The following NUFIP2 variants were observed in gnomAD, a reference collection of about 807,000 sequenced individuals.
NUFIP2 encodes nuclear FMR1 interacting protein 2.
NUFIP2 carries 6 observed loss-of-function variants against 56.9 expected under a neutral mutation model. The ratio of observed to expected loss-of-function variants is 0.11; its 90% CI spans 0.06 to 0.21. NUFIP2 has a LOEUF of 0.21. NUFIP2 is among the 10% of genes least tolerant of loss of function. The probability of loss-of-function intolerance (pLI) is 1.00; values close to 1 mark genes in which losing one functional copy is unlikely to be tolerated. For synonymous variants in NUFIP2, 321 were observed against 298.2 expected, an observed-to-expected ratio of 1.08 and a Z score of -0.79; for missense variants, 828 against 826.8, an observed-to-expected ratio of 1.00 and a Z score of -0.02.
intron 2 of NUFIP2, among the ~76,000 whole-genome samples, chr17:29,282,508 A>G (rs920251573): frequency 1.3e-5 from 2 of 151,440 alleles, no homozygotes; most frequent in African/African-American, 4.9e-5. Context: ...AGACTGTGAC[A>G]CTGCACTCCA....
chr17:29,286,951 C>T lies in NUFIP2; in HGVS notation c.1043G>A (p.Ser348Asn). ...KPPPVFPVDN[S>N]SAKIVPKISY... ...TATTTTAGGAACTATTTTAGCACTG[C>T]TATTGTCCACTGGAAAAACTGGGGG... The change falls in exon 2 of 4, where the codon AGC (serine) becomes AAC (asparagine). Residue 348 changes from serine (S) to asparagine (N), a missense_variant. By Grantham distance (46) the Ser-to-Asn change is conservative (BLOSUM62 1). Around this residue, in one of 3 missense-constraint regions of NUFIP2, gnomAD observed 9 missense variants for 37.8 expected, o/e 0.24. Transcript: ENST00000225388. 1 of 1,614,158 alleles carries T rather than the reference C, an allele frequency of 6.2e-7. No individual in the cohort carries two copies. Among genetic ancestry groups the T allele is most frequent in the Non-Finnish European group, 8.5e-7 (1 of 1,180,038 alleles).
chr17:29,293,750 A>ACCCCCTCCCCC, intron 1 of NUFIP2, 33 bp downstream of exon 1: 1 of 1,310,814 alleles, frequency 7.6e-7, no homozygotes, highest in Non-Finnish European at 1.1e-6. Context: ...TCCACCCCCA[A>ACCCCCTCCCCC]CCCCCTTCCC....
chr17:29,293,736 GTCC>G, intron 1 of NUFIP2, 44 bp downstream of exon 1: 1 of 1,227,392 alleles, frequency 8.1e-7, no homozygotes, highest in Non-Finnish European at 1.1e-6. Flanking sequence ...CATCTCTCCT[GTCC>G]TCCACCCCCA....
chr17:29,285,569 AAG>A (rs1217690716), intron 2 of NUFIP2, among the ~76,000 whole-genome samples: 2 of 152,110 alleles, frequency 1.3e-5, no homozygotes, highest in African/African-American at 2.4e-5. Flanking sequence ...CCAGCCTGGC[AAG>A]AGAGTGAGAC....
chr17:29,279,923 A>C (rs1164645843), intron 2 of NUFIP2, among the ~76,000 whole-genome samples: 1 of 152,054 alleles, frequency 6.6e-6, no homozygotes, highest in Non-Finnish European at 1.5e-5. Context: ...GATTCAAGCG[A>C]TTCTCCCACC....
rs1173148256 is a variant in NUFIP2 at position 29,260,503 on chromosome 17, G to A, written c.*4036C>T. 6.6e-6 allele frequency: 1 copy of A among 152,160 alleles called. No individual in the cohort carries two copies. Among genetic ancestry groups the A allele is most frequent in the Admixed American group, 6.5e-5 (1 of 15,278 alleles). The allele number at this position is 152,160 out of a possible 1,614,324, so 9.4% of individuals were successfully genotyped here. Reference sequence around the variant, plus strand: ...AGGAATGACTCCGTCCTTATTTACAGTGGAATTAAAATTGAGTAAAGTCCA... The same window carrying A: ...AGGAATGACTCCGTCCTTATTTACAATGGAATTAAAATTGAGTAAAGTCCA... On this transcript the variant is annotated 3_prime_UTR_variant, in exon 4 of 4. Transcript: ENST00000225388.
intron 1 of NUFIP2, among the ~76,000 whole-genome samples, chr17:29,288,304 C>G (rs7207477): frequency 6.6e-6 from 1 of 152,168 alleles, no homozygotes; most frequent in Non-Finnish European, 1.5e-5. Context: ...CTCGGCCTCC[C>G]GAAGTGCTAG....
At position 29,267,554 on chromosome 17, in the gene NUFIP2, C is replaced by A. The variant is rs368630343; in HGVS notation, c.2003-24G>T. 8 of 1,482,632 alleles carry A rather than the reference C, an allele frequency of 5.4e-6. No homozygotes were observed. In the African/African-American group the frequency reaches 1.1e-4, roughly 21 times the overall value. The allele number at this position is 1,482,632 out of a possible 1,614,324, so 91.8% of individuals were successfully genotyped here. A position where few individuals can be genotyped will look rare whatever the true frequency, so the allele number is the denominator to read the frequency against. ...TTCTGCAAAGAAAAAAAGAGAATTA[C>A]ATACTAAGTTTTGGTGAGCAAAGTC... On this transcript the variant is annotated intron_variant, in intron 2 of 3. Coordinates refer to ENST00000225388, the MANE Select transcript of NUFIP2 (RefSeq NM_020772.3).
intron 1 of NUFIP2, among the ~76,000 whole-genome samples, chr17:29,291,609 C>A (rs797975): frequency 1.3e-5 from 2 of 151,970 alleles, no homozygotes; most frequent in Non-Finnish European, 2.9e-5. Flanking sequence ...AATGGTTCAG[C>A]GGTTGCTTCC....
chr17:29,272,075 A>AGAGGGGAGGGGAGGG (rs1292329340), intron 2 of NUFIP2, among the ~76,000 whole-genome samples: 3 of 26,476 alleles, frequency 1.1e-4, no homozygotes, highest in African/African-American at 3.6e-4. Flanking sequence ...TGTCGAAAAG[A>AGAGGGGAGGGGAGGG]GAGGGGAGGG....
At chr17:29,293,031 G>A (rs766138106) in intron 1 of NUFIP2, among the ~76,000 whole-genome samples, 21 of 151,516 alleles carry the variant, frequency 1.4e-4, no homozygotes, top group Admixed American at 3.9e-4. Context: ...GTGGGCCGGA[G>A]TCGGTGACAG....
Position 29,286,665 on chromosome 17 carries a change from T to TA in NUFIP2, c.1328dup (p.Thr444AsnfsTer22). On this transcript the variant is annotated frameshift_variant, in exon 2 of 4. Coordinates refer to ENST00000225388, the MANE Select transcript of NUFIP2 (RefSeq NM_020772.3). LOFTEE classifies it high-confidence loss of function. Reference sequence around the variant, plus strand: ...AATCTGTCCCAGAAGAGATGGGTGTTAGAGTATTAGCAGCAGTAGTTAGCA... The same window carrying TA: ...AATCTGTCCCAGAAGAGATGGGTGTTAAGAGTATTAGCAGCAGTAGTTAGCA... The TA allele has an allele frequency of 6.2e-7, 1 of 1,614,106 alleles. No individual in the cohort carries two copies. The highest frequency in any genetic ancestry group is 8.5e-7 in the Non-Finnish European group (1 of 1,180,010).
chr17:29,286,265 C>T lies in NUFIP2; in HGVS notation c.1729G>A (p.Gly577Ser). 6.2e-7 allele frequency: 1 copy of T among 1,614,168 alleles called. No individual in the cohort carries two copies. Among genetic ancestry groups the T allele is most frequent in the Non-Finnish European group, 8.5e-7 (1 of 1,180,034 alleles). The change falls in exon 2 of 4, where the codon GGT (glycine) becomes AGT (serine). Residue 577 changes from glycine (G) to serine (S), a missense_variant. By Grantham distance (56) the Gly-to-Ser change is moderately conservative. Transcript: ENST00000225388. ...LEKRTSPQVL[G>S]SILKSGTTSE... ...GTAGTCCCAGATTTTAGAATGCTAC[C>T]CAGAACTTGAGGACTAGTCCGTTTC...
chr17:29,291,033 A>C (rs2069209045), intron 1 of NUFIP2, among the ~76,000 whole-genome samples: 1 of 138,568 alleles, frequency 7.2e-6, no homozygotes, highest in African/African-American at 3.0e-5. Context: ...AAGTTTTAAT[A>C]ACAAAAAAAA....
chr17:29,274,389 CTCGAGT>C, intron 2 of NUFIP2, among the ~76,000 whole-genome samples: 1 of 152,144 alleles, frequency 6.6e-6, no homozygotes, highest in African/African-American at 2.4e-5. Flanking sequence ...AAGAGGATTG[CTCGAGT>C]CCAAGAATTC....
At chr17:29,280,804 G>A (rs2069134930) in intron 2 of NUFIP2, among the ~76,000 whole-genome samples, 1 of 151,964 alleles carries the variant, frequency 6.6e-6, no homozygotes, top group Admixed American at 6.6e-5. Flanking sequence ...TGGCCAACAT[G>A]GCGAAACCCC....
Position 29,286,271 on chromosome 17 carries a change from C to T in NUFIP2, c.1723G>A (p.Val575Ile). ...CCAGATTTTAGAATGCTACCCAGAA[C>T]TTGAGGACTAGTCCGTTTCTCCAGC... is the stretch of plus-strand genomic sequence containing the variant. ...YELEKRTSPQ[V>I]LGSILKSGTT... Residue 575 changes from valine (V) to isoleucine (I), a missense_variant, in exon 2 of 4, where the codon GTT (valine) becomes ATT (isoleucine). Physicochemically the swap from Val to Ile is conservative, Grantham distance 29 (BLOSUM62 3). Coordinates refer to ENST00000225388, the MANE Select transcript of NUFIP2 (RefSeq NM_020772.3). 3.7e-6 allele frequency: 6 copies of T among 1,614,202 alleles called. No individual in the cohort carries two copies. The highest frequency in any genetic ancestry group is 5.1e-6 in the Non-Finnish European group (6 of 1,180,036).
At chr17:29,282,866 TA>T (rs35610952) in intron 2 of NUFIP2, among the ~76,000 whole-genome samples, 19,235 of 147,872 alleles carry the variant, frequency 0.13, 1,382 homozygotes, top group East Asian at 0.3. Context: ...GAGTTAACTT[TA>T]AAAAAAAAAG....
At position 29,287,565 on chromosome 17, in the gene NUFIP2, G is replaced by A. The variant is rs1442725085; in HGVS notation, c.429C>T (p.Thr143=). The part of the protein sequence containing the change: ...TSLKQTVKAN[T]FGKAGIKTKN... ...TGGTTTTAATTCCTGCTTTCCCAAA[G>A]GTGTTGGCCTTTACAGTCTGCTTCA... is the stretch of plus-strand genomic sequence containing the variant. The change falls in exon 2 of 4, where the codon ACC becomes ACT. Residue 143 remains threonine, a synonymous_variant. Coordinates refer to ENST00000225388, the MANE Select transcript of NUFIP2 (RefSeq NM_020772.3). 5.0e-6 allele frequency: 8 copies of A among 1,613,870 alleles called. No individual in the cohort carries two copies. The highest frequency in any genetic ancestry group is 3.3e-5 in the Admixed American group (2 of 59,972).
Sources: allele counts gnomAD v4.1 joint callset (sites outside exome capture counted in the v4.1 genomes callset), GRCh38; gene constraint gnomAD v4.1.1; regional missense constraint gnomAD v4.1.1; transcripts MANE v1.5; gene names NCBI Gene and HGNC (gene_info 2026-07-23, HGNC 2026-07-21).